The following AQP7 variants were observed in gnomAD, a reference collection of about 807,000 sequenced individuals.
AQP7 encodes the protein aquaporin-7.
Under a neutral mutation model 26.1 loss-of-function variants are expected in AQP7, and 22 were observed. The ratio of observed to expected loss-of-function variants is 0.84; its 90% CI spans 0.60 to 1.20. AQP7 has a LOEUF of 1.20. Among genes scored for constraint, AQP7 ranks in the 50% most tolerant of loss-of-function variants. The pLI is 0.00. For synonymous variants in AQP7, 167 were observed against 181.7 expected (o/e 0.92, Z 0.65); for missense variants, 412 against 457.5 (o/e 0.90, Z 0.91).
intron 2 of AQP7, among the ~76,000 whole-genome samples, chr9:33,399,616 T>A (rs973016286): frequency 1.3e-5 from 2 of 151,990 alleles, no homozygotes; most frequent in Non-Finnish European, 2.9e-5. Flanking sequence ...AAAAAAATTT[T>A]TTTTTGTTGA....
intron 2 of AQP7, among the ~76,000 whole-genome samples, chr9:33,397,796 A>C (rs1825961263): frequency 6.6e-6 from 1 of 152,188 alleles, no homozygotes; most frequent in African/African-American, 2.4e-5. Flanking sequence ...AGAGAAGTGG[A>C]TAGAGCAGAA....
At chr9:33,385,545 T>C in intron 7 of AQP7, 104 bp downstream of exon 7, 1 of 1,401,154 alleles carries the variant, frequency 7.1e-7, no homozygotes, top group Non-Finnish European at 9.9e-7. Context: ...ACCTGGGGGC[T>C]CAGCAGGACC....
chr9:33,400,773 C>T (rs1826207743), intron 2 of AQP7, among the ~76,000 whole-genome samples: 1 of 151,614 alleles, frequency 6.6e-6, no homozygotes, highest in Non-Finnish European at 1.5e-5. Flanking sequence ...CCATTGCACT[C>T]CAGCCTGGGC....
At chr9:33,393,137 A>G (rs150701333) in intron 3 of AQP7, among the ~76,000 whole-genome samples, 2,628 of 152,278 alleles carry the variant, frequency 0.017, 27 homozygotes, top group African/African-American at 0.027. Flanking sequence ...CTGAGGCAAG[A>G]GAGTCACTTG....
At chr9:33,393,493 A>G (rs1296566176) in intron 3 of AQP7, among the ~76,000 whole-genome samples, 1 of 152,150 alleles carries the variant, frequency 6.6e-6, no homozygotes, top group Admixed American at 6.5e-5. Context: ...ACACACAAAC[A>G]GCCTCTCTCA....
At chr9:33,402,185 C>T (rs1826342745) in intron 1 of AQP7, among the ~76,000 whole-genome samples, 188 bp downstream of exon 1, 1 of 152,176 alleles carries the variant, frequency 6.6e-6, no homozygotes, top group South Asian at 2.1e-4. Flanking sequence ...GGTGTATGTG[C>T]CTGTGTCACA....
In AQP7 at chr9:33,385,869, G is replaced by C. The variant is rs1824720929; in HGVS notation, c.526-3C>G. The C allele has an allele frequency of 1.2e-6, 2 of 1,603,790 alleles. No homozygotes were observed. Among genetic ancestry groups the C allele is most frequent in the East Asian group, 4.5e-5 (2 of 44,626 alleles). ...TGGAGCATCCCGGTCAGCCACGCCT[G>C]AGGAGCAGATGCTGTGGCAGCTCAC... On this transcript the variant is annotated splice_polypyrimidine_tract_variant and splice_region_variant and intron_variant, in intron 6 of 7. Coordinates refer to ENST00000297988, the MANE Select transcript of AQP7 (RefSeq NM_001170.3).
intron 4 of AQP7, 51 bp from the exon 5 acceptor site, chr9:33,386,592 G>C (rs1824829404): frequency 1.9e-6 from 3 of 1,579,482 alleles, no homozygotes; most frequent in Non-Finnish European, 2.6e-6. Context: ...ACAAACAACA[G>C]TGACAAACAG....
Position 33,394,935 on chromosome 9 carries a change from C to G in AQP7, c.144+143G>C, listed in dbSNP as rs1263197058. On this transcript the variant is annotated intron_variant, in intron 3 of 7. Transcript: ENST00000297988. ...AAAAGGCTTGATGAGAAAGCCCCCC[C>G]TCCTTACTTTCCTCTGCTGCTTCCC... 3 of 731,446 alleles carry G rather than the reference C, an allele frequency of 4.1e-6. No homozygotes were observed. In the African/African-American group the frequency reaches 5.3e-5, roughly 13 times the overall value. The allele number at this position is 731,446 out of a possible 1,614,324, so 45.3% of individuals were successfully genotyped here. A position where few individuals can be genotyped will look rare whatever the true frequency, so the allele number is the denominator to read the frequency against.
chr9:33,392,317 C>G (rs1331228748), intron 3 of AQP7, among the ~76,000 whole-genome samples: 2 of 150,840 alleles, frequency 1.3e-5, no homozygotes, highest in East Asian at 2.0e-4. Flanking sequence ...AAAAAAAAGA[C>G]TGTGATATTA....
chr9:33,386,844 C>T, intron 4 of AQP7, 125 bp downstream of exon 4: 2 of 1,425,634 alleles, frequency 1.4e-6, no homozygotes, highest in Non-Finnish European at 1.9e-6. Flanking sequence ...AGGAGACTTC[C>T]TCCCGCCCGG....
intron 2 of AQP7, among the ~76,000 whole-genome samples, chr9:33,396,933 A>T (rs78369140): frequency 3.4e-5 from 5 of 145,586 alleles, no homozygotes; most frequent in African/African-American, 1.3e-4. Flanking sequence ...TCATCTCTAC[A>T]AAAAAAAAAA....
rs984141453 is a variant in AQP7, at chr9:33,402,540, G to A, written c.-193C>T. 6.5e-6 allele frequency: 1 copy of A among 152,864 alleles called. No homozygotes were observed. The highest frequency in any genetic ancestry group is 1.5e-5 in the Non-Finnish European group (1 of 68,198). The allele number at this position is 152,864 out of a possible 1,614,324, so 9.5% of individuals were successfully genotyped here. A position where few individuals can be genotyped will look rare whatever the true frequency, so the allele number is the denominator to read the frequency against. ...GAGCCTGCCTCTCAGCTCTCCCAGGGCGGCCTCGAGCGCTGCTCCTGCTCC... is the reference window on the plus strand; with the variant it reads ...GAGCCTGCCTCTCAGCTCTCCCAGGACGGCCTCGAGCGCTGCTCCTGCTCC... On this transcript the variant is annotated 5_prime_UTR_variant, in exon 1 of 8. Coordinates refer to ENST00000297988, the MANE Select transcript of AQP7 (RefSeq NM_001170.3).
chr9:33,394,486 C>CTTTTTTT (rs56966031), intron 3 of AQP7, among the ~76,000 whole-genome samples: 1 of 115,112 alleles, frequency 8.7e-6, no homozygotes, highest in South Asian at 2.7e-4. Context: ...CTCTCTCTCT[C>CTTTTTTT]TTTTTTTTTT....
intron 3 of AQP7, among the ~76,000 whole-genome samples, chr9:33,393,579 T>C (rs974840486): frequency 3.3e-5 from 5 of 152,246 alleles, no homozygotes; most frequent in African/African-American, 1.2e-4. Context: ...CTCTAGACCC[T>C]GGACCCTGCA....
intron 2 of AQP7, among the ~76,000 whole-genome samples, chr9:33,396,458 AAAG>A: frequency 6.8e-6 from 1 of 146,608 alleles, no homozygotes; most frequent in African/African-American, 2.5e-5. Context: ...AAAAAAAAAA[AAAG>A]AGGAAGAAGA....
In AQP7 at chr9:33,383,841, C is replaced by T. The variant is rs906874669; in HGVS notation, c.*1164G>A. ...CTCCTCCTCTGGGAAGCCTCCTGGC[C>T]TTGGCCCAGAGGCTGGATGTGAGCT... On this transcript the variant is annotated 3_prime_UTR_variant, in exon 8 of 8. Transcript: ENST00000297988. 2.6e-5 allele frequency: 4 copies of T among 152,180 alleles called. No homozygotes were observed. The highest frequency in any genetic ancestry group is 6.6e-5 in the Admixed American group (1 of 15,260). The allele number at this position is 152,180 out of a possible 1,614,324, so 9.4% of individuals were successfully genotyped here.
chr9:33,386,942 G>T (rs79260234), intron 4 of AQP7, 27 bp downstream of exon 4: 1 of 1,610,706 alleles, frequency 6.2e-7, no homozygotes, highest in Non-Finnish European at 8.5e-7. Flanking sequence ...GGTCTTGCCC[G>T]GTCCGGCAGG....
Position 33,395,073 on chromosome 9 carries a change from C to T in AQP7, c.144+5G>A, listed in dbSNP as rs1402774255. On this transcript the variant is annotated splice_donor_5th_base_variant and intron_variant, in intron 3 of 7. Coordinates refer to ENST00000297988, the MANE Select transcript of AQP7 (RefSeq NM_001170.3). ...CCACCCACTTCGTGCTGCCCACCCA[C>T]TCACCATCATGACATATGTGCTCAT... 6.2e-7 allele frequency: 1 copy of T among 1,612,678 alleles called. No individual in the cohort carries two copies. Among genetic ancestry groups the T allele is most frequent in the Non-Finnish European group, 8.5e-7 (1 of 1,178,740 alleles).
Sources: gnomAD v4.1 joint callset for allele counts (sites outside exome capture counted in the v4.1 genomes callset) on GRCh38, gnomAD v4.1.1 for gene constraint, MANE v1.5 for transcripts, NCBI Gene and HGNC (gene_info 2026-07-23, HGNC 2026-07-21) for gene names.